CDH13: variants seen among roughly 807,000 people sequenced by gnomAD.
CDH13 encodes cadherin 13, also known as cadherin-13.
In CDH13, 24 loss-of-function variants were observed where a neutral mutation model predicts 63.8. That is an observed-to-expected ratio of 0.38 (90% CI 0.27 to 0.53). The LOEUF is 0.53. Among genes scored for constraint, CDH13 ranks in the 20% least tolerant of loss-of-function variants. CDH13 has a pLI of 0.85. For synonymous variants in CDH13, 503 were observed against 355.3 expected, an observed-to-expected ratio of 1.42 and a Z score of -4.67; for missense variants, 1,049 against 903.1, an observed-to-expected ratio of 1.16 and a Z score of -2.07.
intron 10 of CDH13, among the ~76,000 whole-genome samples, chr16:83,723,985 A>T (rs542561797): frequency 6.6e-5 from 10 of 151,896 alleles, no homozygotes; most frequent in African/African-American, 2.4e-4. Flanking sequence ...TGCATGGATG[A>T]ATGTGGAATG....
intron 1 of CDH13, among the ~76,000 whole-genome samples, chr16:82,675,209 C>T (rs552901086): frequency 1.3e-5 from 2 of 152,250 alleles, no homozygotes; most frequent in East Asian, 3.9e-4. Context: ...TAATTTCATC[C>T]TAAGATTTCT....
chr16:83,432,119 G>A (rs1418665134), intron 6 of CDH13, among the ~76,000 whole-genome samples: 1 of 152,178 alleles, frequency 6.6e-6, no homozygotes, highest in Non-Finnish European at 1.5e-5. Flanking sequence ...CAGGGTTGCT[G>A]TTGAGAGTGG....
At chr16:83,428,051 C>T (rs927494340) in intron 6 of CDH13, among the ~76,000 whole-genome samples, 1 of 152,138 alleles carries the variant, frequency 6.6e-6, no homozygotes, top group African/African-American at 2.4e-5. Context: ...TGGTATATTT[C>T]CCCTTTGCAG....
intron 2 of CDH13, among the ~76,000 whole-genome samples, chr16:82,963,372 T>A (rs1290684278): frequency 6.6e-6 from 1 of 152,092 alleles, no homozygotes; most frequent in Admixed American, 6.6e-5. Context: ...AGAGTGAAAC[T>A]CTGTCTCAAA....
At chr16:82,907,538 T>G (rs2041690268) in intron 2 of CDH13, among the ~76,000 whole-genome samples, 1 of 152,224 alleles carries the variant, frequency 6.6e-6, no homozygotes, top group Non-Finnish European at 1.5e-5. Flanking sequence ...GTTATATATT[T>G]TTCTTTGAGA....
intron 1 of CDH13, among the ~76,000 whole-genome samples, chr16:82,774,885 C>G (rs557375004): frequency 5.8e-4 from 89 of 152,348 alleles, no homozygotes; most frequent in South Asian, 1.2e-3. Flanking sequence ...ACCAAACAAG[C>G]TCTTCCTATA....
At chr16:83,637,089 C>T (rs978737134) in intron 8 of CDH13, among the ~76,000 whole-genome samples, 50 of 152,002 alleles carry the variant, frequency 3.3e-4, no homozygotes, top group Admixed American at 6.6e-5. Flanking sequence ...TGTCCTTTGC[C>T]CTCTTTTTAA....
chr16:82,999,716 A>G (rs73594218), intron 2 of CDH13, among the ~76,000 whole-genome samples: 7,540 of 152,244 alleles, frequency 0.05, 427 homozygotes, highest in African/African-American at 0.13. Context: ...AGTTTGCACT[A>G]TATATTCCGA....
intron 4 of CDH13, among the ~76,000 whole-genome samples, chr16:83,194,236 A>G (rs186886902): frequency 3.9e-5 from 6 of 152,146 alleles, no homozygotes; most frequent in Admixed American, 2.0e-4. Flanking sequence ...CACCCTGACA[A>G]TCCACGGGGG....
At chr16:83,594,231 G>A (rs1751983223) in intron 7 of CDH13, among the ~76,000 whole-genome samples, 1 of 152,174 alleles carries the variant, frequency 6.6e-6, no homozygotes. Context: ...CTAAATAATA[G>A]CAGTAGCATC....
intron 5 of CDH13, among the ~76,000 whole-genome samples, chr16:83,285,416 G>T (rs898587219): frequency 6.6e-6 from 1 of 152,038 alleles, no homozygotes; most frequent in Admixed American, 6.6e-5. Context: ...ACTGCCTGCA[G>T]TTGATTTGGG....
At chr16:82,808,965 C>T (rs1454990509) in intron 1 of CDH13, among the ~76,000 whole-genome samples, 1 of 152,100 alleles carries the variant, frequency 6.6e-6, no homozygotes, top group African/African-American at 2.4e-5. Flanking sequence ...GTGCAATAAA[C>T]TAAGCATGTA....
intron 1 of CDH13, among the ~76,000 whole-genome samples, chr16:82,839,562 C>A (rs1244948526): frequency 6.6e-6 from 1 of 152,154 alleles, no homozygotes; most frequent in Non-Finnish European, 1.5e-5. Flanking sequence ...CTCCCTTGGC[C>A]CTGCTCCAAT....
intron 3 of CDH13, among the ~76,000 whole-genome samples, chr16:83,040,543 A>G (rs2037683860): frequency 6.6e-6 from 1 of 152,156 alleles, no homozygotes; most frequent in South Asian, 2.1e-4. Context: ...AGCATCCAAC[A>G]TGGGAGAAAG....
chr16:83,455,439 G>C (rs746709512), intron 6 of CDH13, among the ~76,000 whole-genome samples: 10 of 152,228 alleles, frequency 6.6e-5, no homozygotes, highest in Non-Finnish European at 1.0e-4. Flanking sequence ...CCGTGTCTCT[G>C]TTTGGTTTAG....
At chr16:83,066,777 C>G (rs1436359741) in intron 3 of CDH13, among the ~76,000 whole-genome samples, 2 of 152,194 alleles carry the variant, frequency 1.3e-5, no homozygotes, top group Admixed American at 6.5e-5. Context: ...CTGGAATGCT[C>G]AAAGTCCACA....
intron 4 of CDH13, among the ~76,000 whole-genome samples, chr16:83,198,878 G>T (rs547199978): frequency 3.9e-5 from 6 of 152,056 alleles, no homozygotes; most frequent in South Asian, 4.2e-4. Flanking sequence ...AAATAATGGG[G>T]TTTTTTTTAA....
At chr16:83,759,750 G>A (rs959577908) in intron 11 of CDH13, among the ~76,000 whole-genome samples, 1 of 151,770 alleles carries the variant, frequency 6.6e-6, no homozygotes, top group Non-Finnish European at 1.5e-5. Flanking sequence ...AATAAAGCAA[G>A]ACCTTATCTT....
intron 6 of CDH13, among the ~76,000 whole-genome samples, chr16:83,438,355 C>T (rs1294869422): frequency 6.6e-6 from 1 of 152,234 alleles, no homozygotes; most frequent in Non-Finnish European, 1.5e-5. Context: ...AACCTAATGG[C>T]ACCAGGTGTA....
Sources: gnomAD v4.1 joint callset for allele counts (sites outside exome capture counted in the v4.1 genomes callset) on GRCh38, gnomAD v4.1.1 for gene constraint, MANE v1.5 for transcripts, NCBI Gene and HGNC (gene_info 2026-07-23, HGNC 2026-07-21) for gene names.